The following FGF12 variants were observed in gnomAD, a reference collection of about 807,000 sequenced individuals.
The protein encoded by FGF12 is fibroblast growth factor 12, also known as fibroblast growth factor 12B.
In FGF12, 14 loss-of-function variants were observed where a neutral mutation model predicts 23.6. The ratio of observed to expected loss-of-function variants is 0.59; its 90% CI spans 0.39 to 0.93. The LOEUF is 0.93. FGF12 is among the 40% of genes least tolerant of loss of function. The pLI is 0.00. For missense variants in FGF12, 175 were observed against 217.8 expected (o/e 0.80, Z 1.24); for synonymous variants, 62 against 77.3 (o/e 0.80, Z 1.04).
chr3:192,550,189 G>T (rs986997763), intron 2 of FGF12, among the ~76,000 whole-genome samples: 86 of 151,158 alleles, frequency 5.7e-4, no homozygotes, highest in African/African-American at 2.0e-3. Flanking sequence ...GTGAGCCACA[G>T]GATGTGAGGT....
intron 4 of FGF12, among the ~76,000 whole-genome samples, chr3:192,328,389 A>T (rs575006722): frequency 1.3e-5 from 2 of 152,306 alleles, no homozygotes; most frequent in African/African-American, 4.8e-5. Context: ...CGCCAATGAC[A>T]TCTCTTGACA....
At chr3:192,721,829 A>G (rs1035835011) in intron 2 of FGF12, among the ~76,000 whole-genome samples, 4 of 152,158 alleles carry the variant, frequency 2.6e-5, no homozygotes, top group African/African-American at 9.7e-5. Context: ...GTTTAAATAA[A>G]CCAAAGGGGA....
At chr3:192,646,694 G>T (rs966858191) in intron 2 of FGF12, among the ~76,000 whole-genome samples, 2 of 152,134 alleles carry the variant, frequency 1.3e-5, no homozygotes, top group Non-Finnish European at 2.9e-5. Context: ...ATTAATGGCT[G>T]CCAGGTGCTA....
At chr3:192,562,231 T>C (rs186457390) in intron 2 of FGF12, among the ~76,000 whole-genome samples, 57 of 152,258 alleles carry the variant, frequency 3.7e-4, no homozygotes, top group African/African-American at 1.3e-3. Flanking sequence ...TAATTGGTTG[T>C]GGGTGGGTGG....
chr3:192,287,549 A>C (rs1163483364), intron 4 of FGF12, among the ~76,000 whole-genome samples: 1 of 152,060 alleles, frequency 6.6e-6, no homozygotes, highest in Non-Finnish European at 1.5e-5. Flanking sequence ...AGATGAGAAG[A>C]GATTACATTT....
At chr3:192,559,619 C>T (rs1711929361) in intron 2 of FGF12, among the ~76,000 whole-genome samples, 1 of 151,652 alleles carries the variant, frequency 6.6e-6, no homozygotes, top group Admixed American at 6.6e-5. Flanking sequence ...ACATTGTGCA[C>T]ATGTACTCTA....
chr3:192,533,304 C>G (rs1725140951), intron 2 of FGF12, among the ~76,000 whole-genome samples: 1 of 152,134 alleles, frequency 6.6e-6, no homozygotes, highest in Admixed American at 6.5e-5. Context: ...TTACCAGAAA[C>G]AGCTGGGGCC....
At chr3:192,253,255 G>A (rs1041116080) in intron 4 of FGF12, among the ~76,000 whole-genome samples, 2 of 152,060 alleles carry the variant, frequency 1.3e-5, no homozygotes, top group Non-Finnish European at 2.9e-5. Context: ...TTAGAGCAGA[G>A]AGACCATTTT....
At chr3:192,600,897 C>A (rs1714086464) in intron 2 of FGF12, among the ~76,000 whole-genome samples, 1 of 151,974 alleles carries the variant, frequency 6.6e-6, no homozygotes, top group South Asian at 2.1e-4. Context: ...GGAGGTTCCT[C>A]AAAAAACTAC....
chr3:192,232,316 C>T (rs1452003647), intron 4 of FGF12, among the ~76,000 whole-genome samples: 2 of 152,088 alleles, frequency 1.3e-5, no homozygotes, highest in African/African-American at 4.8e-5. Context: ...ACTTCTTGCT[C>T]TCTAGGAGCC....
At chr3:192,394,506 C>G (rs1470745597) in intron 2 of FGF12, among the ~76,000 whole-genome samples, 1 of 152,090 alleles carries the variant, frequency 6.6e-6, no homozygotes, top group Non-Finnish European at 1.5e-5. Context: ...TACACCTGTC[C>G]TCCATGAGTA....
chr3:192,302,133 A>G (rs920548494), intron 4 of FGF12, among the ~76,000 whole-genome samples: 2 of 152,158 alleles, frequency 1.3e-5, no homozygotes, highest in African/African-American at 4.8e-5. Flanking sequence ...AAAAAATCTA[A>G]CAGAACGCCT....
chr3:192,432,639 A>AAGAAAG (rs1553812374), intron 2 of FGF12, among the ~76,000 whole-genome samples: 26 of 137,164 alleles, frequency 1.9e-4, no homozygotes, highest in Non-Finnish European at 3.3e-4. Context: ...AAAAAAAAAA[A>AAGAAAG]AAAGAAAGAA....
chr3:192,360,510 C>T lies in FGF12; in HGVS notation c.42G>A (p.Arg14=), dbSNP rs1718670327. The T allele has an allele frequency of 6.2e-7, 1 of 1,613,854 alleles. No individual in the cohort carries two copies. Among genetic ancestry groups the T allele is most frequent in the Non-Finnish European group, 8.5e-7 (1 of 1,179,796 alleles). ...GGAAGTATCCCTGCTGGCTGAATAA[C>T]CTTGTCACAATCCCTTTGAGCTGGG... ...KEPQLKGIVT[R]LFSQQGYFLQ... Residue 14 remains arginine, a synonymous_variant, in exon 3 of 6, where the codon AGG becomes AGA. Transcript: ENST00000445105. The surrounding 1 kb of genome is among the most constrained non-coding windows in gnomAD (Gnocchi z 4.3).
intron 5 of FGF12, among the ~76,000 whole-genome samples, chr3:192,160,224 A>T (rs925661340): frequency 6.6e-6 from 1 of 152,180 alleles, no homozygotes; most frequent in East Asian, 1.9e-4. Flanking sequence ...CTCAAAATCT[A>T]TAATGAATCC....
chr3:192,390,221 G>C (rs376709693), intron 2 of FGF12, among the ~76,000 whole-genome samples: 5 of 152,230 alleles, frequency 3.3e-5, no homozygotes, highest in African/African-American at 1.2e-4. Context: ...TTTATTTGTT[G>C]ATGTGTTTAC....
intron 2 of FGF12, among the ~76,000 whole-genome samples, chr3:192,537,950 C>CA (rs1725267584): frequency 8.2e-6 from 1 of 121,374 alleles, no homozygotes; most frequent in African/African-American, 3.0e-5. Context: ...AGCCTTTAAC[C>CA]TTTTTTTTTT....
chr3:192,206,888 C>T (rs1717678314), intron 4 of FGF12, among the ~76,000 whole-genome samples: 1 of 152,162 alleles, frequency 6.6e-6, no homozygotes, highest in African/African-American at 2.4e-5. Context: ...GCCCCTGAAG[C>T]TTCCTTCACA....
intron 2 of FGF12, among the ~76,000 whole-genome samples, chr3:192,612,224 T>C (rs879481697): frequency 1.3e-5 from 2 of 152,038 alleles, no homozygotes; most frequent in African/African-American, 4.8e-5. Context: ...TTTCCTTCTA[T>C]GACCCTGGAC....
Sources: allele counts gnomAD v4.1 joint callset (sites outside exome capture counted in the v4.1 genomes callset), GRCh38; gene constraint gnomAD v4.1.1; non-coding constraint Gnocchi (gnomAD v3.1); transcripts MANE v1.5; gene names NCBI Gene and HGNC (gene_info 2026-07-23, HGNC 2026-07-21).